BTNL8: variants seen among roughly 807,000 people sequenced by gnomAD.
The protein encoded by BTNL8 is butyrophilin-like protein 8.
A neutral mutation model predicts 36.1 loss-of-function variants in BTNL8; 22 were observed. The observed-to-expected ratio is 0.61, with a 90% CI of 0.44 to 0.87. BTNL8 has a LOEUF of 0.87. Among genes scored for constraint, BTNL8 ranks in the 40% least tolerant of loss-of-function variants. The pLI is 0.00. For missense variants in BTNL8, 526 were observed against 616.9 expected (o/e 0.85, Z 1.56); for synonymous variants, 203 against 235.6 (o/e 0.86, Z 1.27).
chr5:180,899,910 C>A (rs1756747806), intron 1 of BTNL8, among the ~76,000 whole-genome samples: 1 of 152,166 alleles, frequency 6.6e-6, no homozygotes, highest in Admixed American at 6.5e-5. Context: ...TGTTGAGTGA[C>A]TGAATACAAT....
chr5:180,911,249 G>A, intron 2 of BTNL8, 90 bp from the exon 3 acceptor site: 3 of 1,542,080 alleles, frequency 1.9e-6, no homozygotes, highest in Non-Finnish European at 2.6e-6. Context: ...GAGAGAATGG[G>A]TGGGGGGTGG....
In BTNL8 at chr5:180,908,867, C is replaced by T. The variant is rs1431120783; in HGVS notation, c.331C>T (p.Leu111Phe). Residue 111 changes from leucine to phenylalanine, a missense_variant, in exon 2 of 8, where the codon CTC becomes TTC. By Grantham distance (22) the Leu-to-Phe change is conservative (BLOSUM62 0). Around this residue, in one of 2 missense-constraint regions of BTNL8, gnomAD observed 350 missense variants for 324.6 expected, o/e 1.08. Transcript: ENST00000340184. ...AAACATTACTGTGTTGGATGCTGGCCTCTATGGGTGCAGGATTAGTTCCCA... is the reference window on the plus strand; with the variant it reads ...AAACATTACTGTGTTGGATGCTGGCTTCTATGGGTGCAGGATTAGTTCCCA... Reference protein sequence around the residue: ...LENITVLDAGLYGCRISSQSY... With the variant: ...LENITVLDAGFYGCRISSQSY... 6.2e-7 allele frequency: 1 copy of T among 1,614,170 alleles called. No homozygotes were observed. Among genetic ancestry groups the T allele is most frequent in the Non-Finnish European group, 8.5e-7 (1 of 1,180,032 alleles).
At chr5:180,939,970 C>T (rs150573196) in intron 3 of BTNL8, among the ~76,000 whole-genome samples, 2,454 of 152,110 alleles carry the variant, frequency 0.016, 73 homozygotes, top group African/African-American at 0.055. Flanking sequence ...GGAAATTAAA[C>T]GACATTCTTC....
chr5:180,911,491 G>A lies in BTNL8; in HGVS notation c.550G>A (p.Asp184Asn), dbSNP rs1351418027. The A allele has an allele frequency of 6.2e-7, 1 of 1,614,218 alleles. No homozygotes were observed. The highest frequency in any genetic ancestry group is 8.5e-7 in the Non-Finnish European group (1 of 1,180,046). ...DLSTDSRTNR[D>N]MHGLFDVEIS... ...GTCCACAGACTCCAGGACAAACAGA[G>A]ACATGCATGGCCTGTTTGATGTGGA... Residue 184 changes from aspartate to asparagine, a missense_variant, in exon 3 of 8, where the codon GAC becomes AAC. Asp to Asn is a conservative substitution (Grantham distance 23). This residue lies in a region of BTNL8 where 350 missense variants were observed against 324.6 expected (regional missense o/e 1.08). Coordinates refer to ENST00000340184, the MANE Select transcript of BTNL8 (RefSeq NM_001040462.3).
Position 180,947,963 on chromosome 5 carries a change from C to T in BTNL8, c.787+338C>T, listed in dbSNP as rs995708232. 1.1e-5 allele frequency: 8 copies of T among 731,622 alleles called. No homozygotes were observed. The African/African-American group carries it at 1.2e-4, about 11-fold the overall frequency. The allele number at this position is 731,622 out of a possible 1,614,324, so 45.3% of individuals were successfully genotyped here. A position where few individuals can be genotyped will look rare whatever the true frequency, so the allele number is the denominator to read the frequency against. ...GTGAACAAATTCATAAAGGAGGAAGCAAAAGTGACTGACAATAAGATAAAA... is the reference window on the plus strand; with the variant it reads ...GTGAACAAATTCATAAAGGAGGAAGTAAAAGTGACTGACAATAAGATAAAA... On this transcript the variant is annotated intron_variant, in intron 4 of 7. Coordinates refer to ENST00000340184, the MANE Select transcript of BTNL8 (RefSeq NM_001040462.3).
chr5:180,944,024 T>A (rs1021975989), intron 3 of BTNL8, among the ~76,000 whole-genome samples: 33 of 152,290 alleles, frequency 2.2e-4, no homozygotes, highest in African/African-American at 7.5e-4. Flanking sequence ...ATGGATCTCA[T>A]AGAGGTACAG....
rs1274353536 is a variant in BTNL8 at position 180,908,757 on chromosome 5, C to A, written c.221C>A (p.Pro74Gln). 6.2e-7 allele frequency: 1 copy of A among 1,614,026 alleles called. No individual in the cohort carries two copies. The change falls in exon 2 of 8, where the codon CCA (proline) becomes CAA (glutamine). Residue 74 changes from proline (P) to glutamine (Q), a missense_variant. Pro to Gln is a moderately conservative substitution (Grantham distance 76). Transcript: ENST00000340184. Reference protein sequence around the residue: ...VHLYRDGKDQPFMQMPQYQGR... With the variant: ...VHLYRDGKDQQFMQMPQYQGR... Reference sequence around the variant, plus strand: ...CTCTACAGGGACGGGAAGGACCAGCCATTTATGCAGATGCCACAGTATCAA... The same window carrying A: ...CTCTACAGGGACGGGAAGGACCAGCAATTTATGCAGATGCCACAGTATCAA...
intron 1 of BTNL8, chr5:180,902,426 G>A: frequency 2.6e-6 from 4 of 1,543,820 alleles, no homozygotes; most frequent in Non-Finnish European, 3.5e-6. Context: ...CAAGTCACTG[G>A]CTTTAGAAAT....
intron 3 of BTNL8, among the ~76,000 whole-genome samples, chr5:180,936,736 C>T (rs992347125): frequency 2.6e-5 from 4 of 152,222 alleles, no homozygotes; most frequent in African/African-American, 9.6e-5. Context: ...GCCACTCCAT[C>T]CCCTCAACCA....
chr5:180,928,994 A>C (rs955885609), intron 3 of BTNL8, among the ~76,000 whole-genome samples: 5 of 152,192 alleles, frequency 3.3e-5, no homozygotes, highest in African/African-American at 4.8e-5. Context: ...TCTCCACCCC[A>C]AATCAACATA....
chr5:180,947,939 T>G, intron 4 of BTNL8: 2 of 849,544 alleles, frequency 2.4e-6, no homozygotes, highest in Non-Finnish European at 3.6e-6. Context: ...TTTAATGTGG[T>G]GAACAAATTC....
Position 180,949,516 on chromosome 5 carries a change from G to A in BTNL8, c.862+251G>A, listed in dbSNP as rs905985031. 114 of 611,010 alleles carry A rather than the reference G, an allele frequency of 1.9e-4. 15 individuals carry two copies. The Middle Eastern group carries it at 4.0e-3, about 21-fold the overall frequency. The allele number at this position is 611,010 out of a possible 1,614,324, so 37.8% of individuals were successfully genotyped here. A position where few individuals can be genotyped will look rare whatever the true frequency, so the allele number is the denominator to read the frequency against. On this transcript the variant is annotated intron_variant, in intron 7 of 7. Coordinates refer to ENST00000340184, the MANE Select transcript of BTNL8 (RefSeq NM_001040462.3). ...GGGGGGTCTTTGGCACAGTTTCAGG[G>A]AATTGAGGGCACTAGTGACTGGTCA... is the stretch of plus-strand genomic sequence containing the variant.
chr5:180,900,416 A>T (rs1324202890), intron 1 of BTNL8, among the ~76,000 whole-genome samples: 1 of 152,244 alleles, frequency 6.6e-6, no homozygotes, highest in African/African-American at 2.4e-5. Flanking sequence ...TAGAGTGCAC[A>T]CAGCTGCACG....
At chr5:180,941,916 T>TTTTTTTTTTTTTTTTTTTTTTTG (rs1172840637) in intron 3 of BTNL8, among the ~76,000 whole-genome samples, 5 of 150,636 alleles carry the variant, frequency 3.3e-5, no homozygotes, top group Admixed American at 1.3e-4. Context: ...ACTACTCTTA[T>TTTTTTTTTTTTTTTTTTTTTTTG]TCAACAAAGT....
Position 180,923,997 on chromosome 5 carries a change from A to G in BTNL8, c.673+12383A>G, listed in dbSNP as rs1299682689. On this transcript the variant is annotated intron_variant, in intron 3 of 7. Coordinates refer to ENST00000340184, the MANE Select transcript of BTNL8 (RefSeq NM_001040462.3). ...TAAGAGGAGAGACACATCTGGCCCTACTGAGCCCCACTGGTCAAGTAGCAA... is the reference window on the plus strand; with the variant it reads ...TAAGAGGAGAGACACATCTGGCCCTGCTGAGCCCCACTGGTCAAGTAGCAA... Among the ~76,000 whole-genome samples, 7 of 152,210 alleles carry G rather than the reference A, an allele frequency of 4.6e-5. 1 individual carries two copies. The highest frequency in any genetic ancestry group is 7.4e-5 in the Non-Finnish European group (5 of 68,022).
rs1757235057 is a variant in BTNL8, at chr5:180,908,685, C to G, written c.149C>G (p.Ala50Gly). The change falls in exon 2 of 8, where the codon GCC becomes GGC. Residue 50 changes from alanine to glycine, a missense_variant. Transcript: ENST00000340184. ...CTGTCTCCTAAGACCAATGCAGAGG[C>G]CATGGAAGTGCGGTTCTTCAGGGGC... ...CFLSPKTNAE[A>G]MEVRFFRGQF... 6.2e-7 allele frequency: 1 copy of G among 1,614,094 alleles called. No homozygotes were observed. Among genetic ancestry groups the G allele is most frequent in the Admixed American group, 1.7e-5 (1 of 60,004 alleles).
At chr5:180,909,919 T>C (rs1414488267) in intron 2 of BTNL8, 1 of 152,084 alleles carries the variant, frequency 6.6e-6, no homozygotes, top group South Asian at 2.1e-4. Flanking sequence ...TAAATTTGAC[T>C]AACTTAAATT....
At chr5:180,918,042 AAG>A (rs1462293730) in intron 3 of BTNL8, among the ~76,000 whole-genome samples, 5 of 151,520 alleles carry the variant, frequency 3.3e-5, no homozygotes, top group Non-Finnish European at 5.9e-5. Context: ...AAAAAAAAAA[AAG>A]AAATAAACAA....
intron 1 of BTNL8, among the ~76,000 whole-genome samples, chr5:180,900,615 T>C (rs1001563386): frequency 5.9e-5 from 9 of 152,196 alleles, no homozygotes; most frequent in Admixed American, 5.9e-4. Context: ...GCAGCATCCA[T>C]AGCAGCCCAG....
Sources: allele counts gnomAD v4.1 joint callset (sites outside exome capture counted in the v4.1 genomes callset), GRCh38; gene constraint gnomAD v4.1.1; regional missense constraint gnomAD v4.1.1; transcripts MANE v1.5; gene names NCBI Gene and HGNC (gene_info 2026-07-23, HGNC 2026-07-21).